NOVA1: variants seen among roughly 807,000 people sequenced by gnomAD.
NOVA1 encodes the protein RNA-binding protein Nova-1.
NOVA1 carries 7 observed loss-of-function variants against 38.0 expected under a neutral mutation model. The observed-to-expected ratio is 0.18, with a 90% CI of 0.10 to 0.35. The LOEUF (loss-of-function observed/expected upper bound fraction) is 0.35, where lower values mean the gene tolerates loss of function less well. NOVA1 is among the 10% of genes least tolerant of loss of function. The pLI, the probability that NOVA1 is intolerant of heterozygous loss-of-function variation, is 1.00. For synonymous variants in NOVA1, 270 were observed against 232.5 expected (o/e 1.16, Z -1.47); for missense variants, 460 against 616.0 (o/e 0.75, Z 2.68).
intron 2 of NOVA1, among the ~76,000 whole-genome samples, chr14:26,534,463 T>C (rs1214138145): frequency 6.6e-6 from 1 of 151,832 alleles, no homozygotes; most frequent in Non-Finnish European, 1.5e-5. Flanking sequence ...AGTAATAAAA[T>C]ATGAAATAGA....
chr14:26,447,977 A>T lies in NOVA1; in HGVS notation c.1506T>A (p.Asn502Lys). ...GGGGCACTCAACCCACTTTCTGAGG[A>T]TTGGCAGCCCGAACTCCTTGCTCAT... Reference protein sequence around the residue: ...ITYEQGVRAANPQKVG With the variant: ...ITYEQGVRAAKPQKVG The change falls in exon 5 of 5, where the codon AAT becomes AAA. Residue 502 changes from asparagine to lysine, a missense_variant. Physicochemically the swap from Asn to Lys is moderately conservative, Grantham distance 94 (BLOSUM62 0). Coordinates refer to ENST00000539517, the MANE Select transcript of NOVA1 (RefSeq NM_002515.3). 1 of 1,614,044 alleles carries T rather than the reference A, an allele frequency of 6.2e-7. No homozygotes were observed. Among genetic ancestry groups the T allele is most frequent in the Non-Finnish European group, 8.5e-7 (1 of 1,179,930 alleles).
intron 2 of NOVA1, among the ~76,000 whole-genome samples, chr14:26,562,809 T>A (rs369578910): frequency 6.6e-6 from 1 of 152,122 alleles, no homozygotes; most frequent in Non-Finnish European, 1.5e-5. Context: ...TCTCTTCTTT[T>A]CTCCCCCTTG....
rs768997006 is a variant in NOVA1 at position 26,448,812 on chromosome 14, C to T, written c.671G>A (p.Ser224Asn). The T allele has an allele frequency of 1.2e-6, 2 of 1,614,144 alleles. No individual in the cohort carries two copies. The highest frequency in any genetic ancestry group is 3.3e-5 in the Admixed American group (2 of 60,010). ...INLQERVVTV[S>N]GEPEQNRKAV... ...TTTTCGGTTTTGTTCAGGTTCTCCA[C>T]TCACAGTGACAACCCTCTCTTGCAA... The change falls in exon 5 of 5, where the codon AGT becomes AAT. Residue 224 changes from serine to asparagine, a missense_variant. Transcript: ENST00000539517. The surrounding 1 kb of genome is among the most constrained non-coding windows in gnomAD (Gnocchi z 5.3).
intron 2 of NOVA1, among the ~76,000 whole-genome samples, chr14:26,527,781 G>C (rs2138534586): frequency 6.6e-6 from 1 of 152,262 alleles, no homozygotes; most frequent in Non-Finnish European, 1.5e-5. Context: ...TTTCACACAT[G>C]TCGATTTCTC....
In NOVA1 at chr14:26,597,660, T is replaced by C; in HGVS notation, c.-224A>G. 2.5e-6 allele frequency: 3 copies of C among 1,197,718 alleles called. No homozygotes were observed. Among genetic ancestry groups the C allele is most frequent in the Non-Finnish European group, 3.1e-6 (3 of 969,474 alleles). 74.2% of individuals were successfully genotyped at this position (1,197,718 alleles called of 1,614,324 possible). On this transcript the variant is annotated 5_prime_UTR_variant, in exon 1 of 5. Coordinates refer to ENST00000539517, the MANE Select transcript of NOVA1 (RefSeq NM_002515.3). ...GCTGAGGAGCAGCTGCAGTGCAGTG[T>C]CAGAAAGGAGACAGGGGAATGGAGG...
In NOVA1 at chr14:26,482,863, C is replaced by T. The variant is rs928595029; in HGVS notation, c.281-2720G>A. Among the ~76,000 whole-genome samples the T allele has an allele frequency of 3.3e-5, 5 of 152,168 alleles. No homozygotes were observed. In the Middle Eastern group the frequency reaches 0.014, roughly 417 times the overall value. On this transcript the variant is annotated intron_variant, in intron 2 of 4. Transcript: ENST00000539517. ...TACAGGAAGGCACCACCATGCCTGG[C>T]TAATTTTTTGGATTTTTTTGTAGAG...
chr14:26,461,775 A>G (rs1043242493), intron 4 of NOVA1, among the ~76,000 whole-genome samples: 3 of 150,606 alleles, frequency 2.0e-5, no homozygotes, highest in African/African-American at 4.9e-5. Context: ...CTAAAAAAAA[A>G]AAAAAAAAAA....
intron 2 of NOVA1, among the ~76,000 whole-genome samples, chr14:26,499,937 G>A (rs1267428446): frequency 1.3e-5 from 2 of 152,018 alleles, no homozygotes; most frequent in Non-Finnish European, 1.5e-5. Context: ...TATTATCAGT[G>A]TCTTCCTGGC....
At chr14:26,550,979 T>C (rs142772573) in intron 2 of NOVA1, among the ~76,000 whole-genome samples, 16 of 152,212 alleles carry the variant, frequency 1.1e-4, no homozygotes, top group African/African-American at 3.8e-4. Context: ...TGGCTCTTTA[T>C]TTTAAAAGAC....
chr14:26,491,221 G>T (rs936476956), intron 2 of NOVA1, among the ~76,000 whole-genome samples: 33 of 151,408 alleles, frequency 2.2e-4, no homozygotes, highest in African/African-American at 7.0e-4. Flanking sequence ...ACCCAAGCTG[G>T]TCTCCAAATT....
rs563218238 is a variant in NOVA1 at position 26,512,318 on chromosome 14, A to G, written c.281-32175T>C. On this transcript the variant is annotated intron_variant, in intron 2 of 4. Coordinates refer to ENST00000539517, the MANE Select transcript of NOVA1 (RefSeq NM_002515.3). The stretch of plus-strand genomic sequence containing the variant: ...GCTTTTCATACTTTTTCACATTAGT[A>G]CTTCTAACTACAAAGGAGTAAGTAA... Among the ~76,000 whole-genome samples, 3 of 152,302 alleles carry G rather than the reference A, an allele frequency of 2.0e-5. No individual in the cohort carries two copies. In the South Asian group the frequency reaches 6.2e-4, roughly 32 times the overall value.
Position 26,597,372 on chromosome 14 carries a change from G to T in NOVA1, c.65C>A (p.Pro22Gln). ...CAGCGGCCTTTTCCGCGAGTCCGGC[G>T]GGTCCAGGTCTATGGGAACCCCAGT... ...THTGVPIDLD[P>Q]PDSRKRPLEA... The change falls in exon 1 of 5, where the codon CCG becomes CAG. Residue 22 changes from proline (P) to glutamine (Q), a missense_variant. Pro to Gln is a moderately conservative substitution (Grantham distance 76, BLOSUM62 -1). Transcript: ENST00000539517. 7.8e-7 allele frequency: 1 copy of T among 1,275,382 alleles called. No individual in the cohort carries two copies. The highest frequency in any genetic ancestry group is 2.9e-5 in the East Asian group (1 of 34,634). The allele number at this position is 1,275,382 out of a possible 1,614,324, so 79.0% of individuals were successfully genotyped here.
At chr14:26,555,170 A>T (rs866042149) in intron 2 of NOVA1, among the ~76,000 whole-genome samples, 8 of 152,232 alleles carry the variant, frequency 5.3e-5, no homozygotes, top group South Asian at 4.1e-4. Flanking sequence ...ATTGTAGAGA[A>T]TACTTTGCTC....
intron 2 of NOVA1, among the ~76,000 whole-genome samples, chr14:26,561,596 A>T (rs1417481850): frequency 1.3e-5 from 2 of 152,184 alleles, no homozygotes; most frequent in Non-Finnish European, 2.9e-5. Context: ...AGAATAGAAA[A>T]ATTACACAAA....
chr14:26,555,027 C>T (rs139261668), intron 2 of NOVA1, among the ~76,000 whole-genome samples: 73 of 152,024 alleles, frequency 4.8e-4, no homozygotes, highest in African/African-American at 1.7e-3. Flanking sequence ...AAATAAGACA[C>T]CAAACTTAGA....
chr14:26,459,827 T>C (rs952199031), intron 4 of NOVA1, among the ~76,000 whole-genome samples: 10 of 152,054 alleles, frequency 6.6e-5, no homozygotes, highest in African/African-American at 2.2e-4. Flanking sequence ...TTTAAACTTA[T>C]GTAACTAGGG....
At chr14:26,539,560 T>C (rs375247090) in intron 2 of NOVA1, among the ~76,000 whole-genome samples, 50 of 151,650 alleles carry the variant, frequency 3.3e-4, no homozygotes, top group South Asian at 2.7e-3. Flanking sequence ...CCTTTATAGA[T>C]AGATGATAGA....
Position 26,472,323 on chromosome 14 carries a change from AT to A in NOVA1, c.515del (p.Asn172IlefsTer3). On this transcript the variant is annotated frameshift_variant, in exon 4 of 5. Transcript: ENST00000539517. LOFTEE classifies it high-confidence loss of function. Reference sequence around the variant, plus strand: ...AGATGACAGGATGATACTGTACCTGATTAGCTCTGGAGGTGGTCATGGGATC... The same window carrying A: ...AGATGACAGGATGATACTGTACCTGATAGCTCTGGAGGTGGTCATGGGATC... ...PSDPMTTSRA[N>X]QVKIIVPNST... 6.3e-7 allele frequency: 1 copy of A among 1,586,210 alleles called. No homozygotes were observed. Among genetic ancestry groups the A allele is most frequent in the Non-Finnish European group, 8.6e-7 (1 of 1,156,954 alleles).
intron 2 of NOVA1, among the ~76,000 whole-genome samples, chr14:26,491,331 A>T (rs751105301): frequency 1.1e-4 from 16 of 152,048 alleles, no homozygotes; most frequent in Non-Finnish European, 1.8e-4. Context: ...AGTTGTTTAT[A>T]TATTCTGGAT....
Sources: gnomAD v4.1 joint callset for allele counts (sites outside exome capture counted in the v4.1 genomes callset) on GRCh38, gnomAD v4.1.1 for gene constraint, Gnocchi (gnomAD v3.1) non-coding constraint, MANE v1.5 for transcripts, NCBI Gene and HGNC (gene_info 2026-07-23, HGNC 2026-07-21) for gene names.